EMILIN2: variants seen among roughly 807,000 people sequenced by gnomAD.
EMILIN2 encodes elastin microfibril interfacer 2.
A neutral mutation model predicts 87.1 loss-of-function variants in EMILIN2; 71 were observed. The ratio of observed to expected loss-of-function variants is 0.82; its 90% CI spans 0.67 to 0.99. The LOEUF is 0.99. Among genes scored for constraint, EMILIN2 ranks in the 50% least tolerant of loss-of-function variants. The pLI, the probability that EMILIN2 is intolerant of heterozygous loss-of-function variation, is 0.00. For synonymous variants in EMILIN2, 581 were observed against 563.4 expected (o/e 1.03, Z -0.44); for missense variants, 1,407 against 1,371.8 (o/e 1.03, Z -0.40).
At position 2,890,634 on chromosome 18, in the gene EMILIN2, G is replaced by A. The variant is rs1423712885; in HGVS notation, c.507G>A (p.Gly169=). The change falls in exon 4 of 8, where the codon GGG becomes GGA. Residue 169 remains glycine (G), a synonymous_variant. Transcript: ENST00000254528. This position sits in a 1 kb window ranked among gnomAD's most constrained non-coding sequence, Gnocchi z 4.7. Reference sequence around the variant, plus strand: ...CTGGTACAGCACAACCAAGCTGGGGGGTAGATCCAAAAGAGGGGCCTCAGG... The same window carrying A: ...CTGGTACAGCACAACCAAGCTGGGGAGTAGATCCAAAAGAGGGGCCTCAGG... ...SPTGTAQPSW[G]VDPKEGPQEL... 14 of 1,613,768 alleles carry A rather than the reference G, an allele frequency of 8.7e-6. No individual in the cohort carries two copies. Among genetic ancestry groups the A allele is most frequent in the Non-Finnish European group, 1.1e-5 (13 of 1,179,686 alleles).
At chr18:2,881,723 A>T (rs975210099) in intron 2 of EMILIN2, among the ~76,000 whole-genome samples, 3 of 152,252 alleles carry the variant, frequency 2.0e-5, no homozygotes, top group African/African-American at 7.2e-5. Flanking sequence ...TTTCACATTC[A>T]GTCTGAATGC....
chr18:2,856,155 G>A (rs911625934), intron 2 of EMILIN2, among the ~76,000 whole-genome samples: 9 of 152,084 alleles, frequency 5.9e-5, no homozygotes, highest in African/African-American at 1.7e-4. Flanking sequence ...CGGGAGGATC[G>A]CTTGAGTCAA....
At chr18:2,882,840 G>A (rs113796123) in intron 2 of EMILIN2, among the ~76,000 whole-genome samples, 1,803 of 151,476 alleles carry the variant, frequency 0.012, 42 homozygotes, top group African/African-American at 0.041. Context: ...CCGAGATCGC[G>A]CCATTGTACT....
intron 3 of EMILIN2, among the ~76,000 whole-genome samples, chr18:2,888,683 C>G (rs2076815524): frequency 6.8e-6 from 1 of 147,532 alleles, no homozygotes; most frequent in Non-Finnish European, 1.5e-5. Context: ...CCACTGCACT[C>G]CAGCCTGGGC....
chr18:2,897,551 G>A (rs544256177), intron 4 of EMILIN2, among the ~76,000 whole-genome samples: 32 of 152,182 alleles, frequency 2.1e-4, no homozygotes, highest in South Asian at 4.1e-4. Flanking sequence ...TAAAATTAGC[G>A]TTCAAATAGA....
intron 2 of EMILIN2, among the ~76,000 whole-genome samples, chr18:2,853,478 T>TTGTA (rs150120673): frequency 0.026 from 3,934 of 152,258 alleles, 176 homozygotes; most frequent in African/African-American, 0.089. Flanking sequence ...TTGGAATTCT[T>TTGTA]TGAGGCACTG....
chr18:2,903,264 G>A (rs982069973), intron 4 of EMILIN2, among the ~76,000 whole-genome samples: 4 of 152,108 alleles, frequency 2.6e-5, no homozygotes, highest in Non-Finnish European at 5.9e-5. Context: ...CAGAGAGGAG[G>A]AAAGAAAAGA....
In EMILIN2 at chr18:2,915,167, C is replaced by G. The variant is rs1484210786; in HGVS notation, c.*1763C>G. 1 of 152,298 alleles carries G rather than the reference C, an allele frequency of 6.6e-6. No homozygotes were observed. The highest frequency in any genetic ancestry group is 1.5e-5 in the Non-Finnish European group (1 of 68,076). The allele number at this position is 152,298 out of a possible 1,614,324, so 9.4% of individuals were successfully genotyped here. A position where few individuals can be genotyped will look rare whatever the true frequency, so the allele number is the denominator to read the frequency against. On this transcript the variant is annotated 3_prime_UTR_variant, in exon 8 of 8. Transcript: ENST00000254528. The stretch of plus-strand genomic sequence containing the variant: ...TGCTTTCCCTACTCCGTAGATGGGT[C>G]TGGAACATCGGGTAAAACCCAGTCC...
chr18:2,901,571 C>G (rs979644020), intron 4 of EMILIN2, among the ~76,000 whole-genome samples: 1 of 152,222 alleles, frequency 6.6e-6, no homozygotes, highest in African/African-American at 2.4e-5. Context: ...CCTACCCGAC[C>G]CGTGCGGAGT....
At chr18:2,860,955 T>C (rs2076657998) in intron 2 of EMILIN2, among the ~76,000 whole-genome samples, 1 of 152,196 alleles carries the variant, frequency 6.6e-6, no homozygotes, top group Non-Finnish European at 1.5e-5. Context: ...TGGTATCTCA[T>C]TGTGGTTTTG....
In EMILIN2 at chr18:2,890,633, G is replaced by C; in HGVS notation, c.506G>C (p.Gly169Ala). 6.2e-7 allele frequency: 1 copy of C among 1,613,796 alleles called. No individual in the cohort carries two copies. The highest frequency in any genetic ancestry group is 8.5e-7 in the Non-Finnish European group (1 of 1,179,700). Residue 169 changes from glycine (G) to alanine (A), a missense_variant, in exon 4 of 8, where the codon GGG becomes GCG. By Grantham distance (60) the Gly-to-Ala change is moderately conservative. Transcript: ENST00000254528. This position sits in a 1 kb window ranked among gnomAD's most constrained non-coding sequence, Gnocchi z 4.7. The part of the protein sequence containing the change: ...SPTGTAQPSW[G>A]VDPKEGPQEL... Reference sequence around the variant, plus strand: ...ACTGGTACAGCACAACCAAGCTGGGGGGTAGATCCAAAAGAGGGGCCTCAG... The same window carrying C: ...ACTGGTACAGCACAACCAAGCTGGGCGGTAGATCCAAAAGAGGGGCCTCAG...
Position 2,848,072 on chromosome 18 carries a change from C to A in EMILIN2, c.257+141C>A, listed in dbSNP as rs1336863325. The A allele has an allele frequency of 8.6e-6, 10 of 1,162,734 alleles. No individual in the cohort carries two copies. The East Asian group carries it at 2.7e-4, about 32-fold the overall frequency. 72.0% of individuals were successfully genotyped at this position (1,162,734 alleles called of 1,614,324 possible). A position where few individuals can be genotyped will look rare whatever the true frequency, so the allele number is the denominator to read the frequency against. ...AAAAGCCCGCAGCGGAAAAGCGCTC[C>A]GAGCGCTCGCGGGGCACCGGCCACG... On this transcript the variant is annotated intron_variant, in intron 2 of 7. Transcript: ENST00000254528. The surrounding 1 kb of genome is among the most constrained non-coding windows in gnomAD (Gnocchi z 4.1).
At position 2,890,692 on chromosome 18, in the gene EMILIN2, G is replaced by A; in HGVS notation, c.565G>A (p.Glu189Lys). ...GGAAAAGAAGATACAGGTGCTAGAG[G>A]AGAAGGTTCTTCGACTCACAAGGAC... The part of the protein sequence containing the change: ...LQEKKIQVLE[E>K]KVLRLTRTVL... Residue 189 changes from glutamate (E) to lysine (K), a missense_variant, in exon 4 of 8, where the codon GAG becomes AAG. Coordinates refer to ENST00000254528, the MANE Select transcript of EMILIN2 (RefSeq NM_032048.3). This position sits in a 1 kb window ranked among gnomAD's most constrained non-coding sequence, Gnocchi z 4.7. 1 of 1,614,192 alleles carries A rather than the reference G, an allele frequency of 6.2e-7. No homozygotes were observed. Among genetic ancestry groups the A allele is most frequent in the Non-Finnish European group, 8.5e-7 (1 of 1,180,034 alleles).
chr18:2,913,017 A>G, intron 7 of EMILIN2, 50 bp from the exon 8 acceptor site: 1 of 1,586,128 alleles, frequency 6.3e-7, no homozygotes, highest in Non-Finnish European at 8.6e-7. Flanking sequence ...TACCATGGCA[A>G]GGGCTGTGAC....
At position 2,914,665 on chromosome 18, in the gene EMILIN2, G is replaced by C. The variant is rs544408145; in HGVS notation, c.*1261G>C. The C allele has an allele frequency of 2.0e-5, 3 of 152,320 alleles. No individual in the cohort carries two copies. The highest frequency in any genetic ancestry group is 2.9e-5 in the Non-Finnish European group (2 of 68,044). 9.4% of individuals were successfully genotyped at this position (152,320 alleles called of 1,614,324 possible). The stretch of plus-strand genomic sequence containing the variant: ...CCACTGGGGAAAGGTTTGGACGGTA[G>C]AATCAAGAGCTGCAGTTTCCTTGGC... On this transcript the variant is annotated 3_prime_UTR_variant, in exon 8 of 8. Coordinates refer to ENST00000254528, the MANE Select transcript of EMILIN2 (RefSeq NM_032048.3).
At chr18:2,903,015 C>T (rs1423617010) in intron 4 of EMILIN2, among the ~76,000 whole-genome samples, 2 of 152,112 alleles carry the variant, frequency 1.3e-5, no homozygotes, top group African/African-American at 4.8e-5. Context: ...TGCTGACTAA[C>T]TTATCGAGGG....
At chr18:2,856,892 C>A (rs1019124824) in intron 2 of EMILIN2, among the ~76,000 whole-genome samples, 2 of 152,212 alleles carry the variant, frequency 1.3e-5, no homozygotes, top group Non-Finnish European at 2.9e-5. Flanking sequence ...CAGCAGTTCA[C>A]ACTGAAGGGA....
At chr18:2,849,230 C>T (rs918922770) in intron 2 of EMILIN2, among the ~76,000 whole-genome samples, 3 of 152,182 alleles carry the variant, frequency 2.0e-5, no homozygotes, top group African/African-American at 7.2e-5. Flanking sequence ...GGTTTTTACA[C>T]TGTGGGAGTG....
At chr18:2,868,218 C>T (rs1314431141) in intron 2 of EMILIN2, among the ~76,000 whole-genome samples, 6 of 151,660 alleles carry the variant, frequency 4.0e-5, no homozygotes, top group African/African-American at 1.5e-4. Flanking sequence ...GGGGCAGAGG[C>T]GCTCCCCACA....
Sources: gnomAD v4.1 joint callset for allele counts (sites outside exome capture counted in the v4.1 genomes callset) on GRCh38, gnomAD v4.1.1 for gene constraint, Gnocchi (gnomAD v3.1) non-coding constraint, MANE v1.5 for transcripts, NCBI Gene and HGNC (gene_info 2026-07-23, HGNC 2026-07-21) for gene names.